TNFSF4: variants seen among roughly 807,000 people sequenced by gnomAD.
TNFSF4 encodes the protein tumor necrosis factor ligand superfamily member 4.
A neutral mutation model predicts 7.3 loss-of-function variants in TNFSF4; 4 were observed. The ratio of observed to expected loss-of-function variants is 0.55; its 90% CI spans 0.27 to 1.25. The LOEUF is 1.25. TNFSF4 is among the 50% of genes most tolerant of loss of function. The pLI is 0.12. For synonymous variants in TNFSF4, 76 were observed against 83.7 expected, an observed-to-expected ratio of 0.91 and a Z score of 0.50; for missense variants, 181 against 208.8, an observed-to-expected ratio of 0.87 and a Z score of 0.82.
At chr1:173,325,489 A>G in the TNFSF4 span, among the ~76,000 whole-genome samples, 1 of 152,196 alleles carries the variant, frequency 6.6e-6, no homozygotes, top group African/African-American at 2.4e-5. Flanking sequence ...TTCAAAAGCT[A>G]GCAGAAGGCA....
chr1:173,356,061 C>G, the TNFSF4 span, among the ~76,000 whole-genome samples: 1 of 152,206 alleles, frequency 6.6e-6, no homozygotes, highest in Admixed American at 6.5e-5. Flanking sequence ...GGTTGCCATT[C>G]CCAAGGTAAA....
At chr1:173,207,988 C>A (rs1267494311), upstream of TNFSF4, among the ~76,000 whole-genome samples, 1 of 152,092 alleles carries the variant, frequency 6.6e-6, no homozygotes, top group Non-Finnish European at 1.5e-5. Flanking sequence ...AGAAGGGTAT[C>A]CTTGTCTCCT....
the TNFSF4 span, among the ~76,000 whole-genome samples, chr1:173,401,999 T>C: frequency 6.6e-6 from 1 of 152,350 alleles, no homozygotes; most frequent in African/African-American, 2.4e-5. Flanking sequence ...TTTCGTATTT[T>C]CCATTTGCAC....
the TNFSF4 span, among the ~76,000 whole-genome samples, chr1:173,245,704 G>GTAACTTTT: frequency 1.3e-5 from 2 of 152,054 alleles, no homozygotes; most frequent in East Asian, 3.9e-4. Context: ...CTATCTAACT[G>GTAACTTTT]TAACTTTTTA....
chr1:173,271,636 A>G, the TNFSF4 span, among the ~76,000 whole-genome samples: 1 of 152,156 alleles, frequency 6.6e-6, no homozygotes, highest in Non-Finnish European at 1.5e-5. Flanking sequence ...TGCAAATCAA[A>G]ACCACAATGA....
the TNFSF4 span, among the ~76,000 whole-genome samples, chr1:173,295,116 G>A: frequency 6.6e-6 from 1 of 151,900 alleles, no homozygotes; most frequent in African/African-American, 2.4e-5. Flanking sequence ...GTATAGATGA[G>A]CAACTCTCAT....
chr1:173,323,117 C>A, the TNFSF4 span, among the ~76,000 whole-genome samples: 2 of 152,228 alleles, frequency 1.3e-5, no homozygotes, highest in African/African-American at 4.8e-5. Flanking sequence ...CCCGAGTAGC[C>A]TACCTGGGAG....
the TNFSF4 span, among the ~76,000 whole-genome samples, chr1:173,267,753 T>C: frequency 2.6e-5 from 4 of 151,956 alleles, no homozygotes; most frequent in Admixed American, 2.6e-4. Context: ...TAGTCAGTCC[T>C]TCATCAGATT....
chr1:173,343,392 A>G, the TNFSF4 span, among the ~76,000 whole-genome samples: 1 of 152,146 alleles, frequency 6.6e-6, no homozygotes, highest in Non-Finnish European at 1.5e-5. Flanking sequence ...AAACCATTAT[A>G]AGCAGAGGGG....
chr1:173,301,352 A>ATT, the TNFSF4 span, among the ~76,000 whole-genome samples: 85,039 of 151,320 alleles, frequency 0.56, 24,243 homozygotes, highest in Middle Eastern at 0.66. Context: ...AAAAAGTTCC[A>ATT]TTTTTTTTAC....
intron 1 of TNFSF4, among the ~76,000 whole-genome samples, chr1:173,200,902 AGCATGT>A (rs1455660056): frequency 1.3e-5 from 2 of 152,256 alleles, no homozygotes; most frequent in African/African-American, 2.4e-5. Flanking sequence ...TCTGTCAAGA[AGCATGT>A]GTTCTTAAAT....
the TNFSF4 span, among the ~76,000 whole-genome samples, chr1:173,280,691 A>G: frequency 1.3e-5 from 2 of 152,126 alleles, no homozygotes; most frequent in Non-Finnish European, 2.9e-5. Context: ...CCTTACTTTA[A>G]AGCAAATAAT....
the TNFSF4 span, among the ~76,000 whole-genome samples, chr1:173,326,593 G>C: frequency 2.0e-5 from 3 of 152,156 alleles, no homozygotes; most frequent in African/African-American, 7.2e-5. Flanking sequence ...GTTTGCAGAC[G>C]ACATGATTGT....
the TNFSF4 span, among the ~76,000 whole-genome samples, chr1:173,449,987 C>T: frequency 6.6e-6 from 1 of 151,940 alleles, no homozygotes. Context: ...ATTAATGAAA[C>T]TAAAAGTTGA....
At chr1:173,294,425 A>G in the TNFSF4 span, among the ~76,000 whole-genome samples, 1 of 151,932 alleles carries the variant, frequency 6.6e-6, no homozygotes, top group Admixed American at 6.6e-5. Context: ...ACACAGATAT[A>G]GGAACAATAG....
chr1:173,229,125 T>C, the TNFSF4 span, among the ~76,000 whole-genome samples: 1 of 152,082 alleles, frequency 6.6e-6, no homozygotes, highest in Non-Finnish European at 1.5e-5. Context: ...AGACACATAA[T>C]TGTCAGATTC....
Position 173,186,641 on chromosome 1 carries a change from G to A in TNFSF4, c.427C>T (p.Leu143=). 1 of 1,614,184 alleles carries A rather than the reference G, an allele frequency of 6.2e-7. No homozygotes were observed. The highest frequency in any genetic ancestry group is 2.2e-5 in the East Asian group (1 of 44,886). Reference sequence around the variant, plus strand: ...AAGTAGACTTTGTCTTTGTAAGTCAGAGAGGCCACCATCAAGGAGTTGACA... The same window carrying A: ...AAGTAGACTTTGTCTTTGTAAGTCAAAGAGGCCACCATCAAGGAGTTGACA... The part of the protein sequence containing the change: ...RSVNSLMVAS[L]TYKDKVYLNV... The change falls in exon 3 of 3, where the codon CTG becomes TTG. Residue 143 remains leucine (L), a synonymous_variant. Transcript: ENST00000281834.
chr1:173,344,500 G>A, the TNFSF4 span, among the ~76,000 whole-genome samples: 19 of 152,138 alleles, frequency 1.2e-4, no homozygotes, highest in African/African-American at 4.1e-4. Context: ...CAACTAACAC[G>A]GTACCTTAGA....
chr1:173,345,231 A>G, the TNFSF4 span, among the ~76,000 whole-genome samples: 6 of 152,216 alleles, frequency 3.9e-5, no homozygotes. Context: ...AGAATAAGAG[A>G]AATAATACAC....
Sources: gnomAD v4.1 joint callset for allele counts (sites outside exome capture counted in the v4.1 genomes callset) on GRCh38, gnomAD v4.1.1 for gene constraint, MANE v1.5 for transcripts, NCBI Gene and HGNC (gene_info 2026-07-23, HGNC 2026-07-21) for gene names.